Variants in SH3D19 observed in about 807,000 individuals in gnomAD.
SH3D19 encodes the protein SH3 domain containing 19.
SH3D19 carries 58 observed loss-of-function variants against 112.1 expected under a neutral mutation model. The ratio of observed to expected loss-of-function variants is 0.52; its 90% confidence interval spans 0.42 to 0.64. The LOEUF is 0.64. Among genes scored for constraint, SH3D19 ranks in the 30% least tolerant of loss-of-function variants. The pLI, the probability that SH3D19 is intolerant of heterozygous loss-of-function variation, is 0.00. For synonymous variants in SH3D19, 391 were observed against 448.5 expected (o/e 0.87, Z 1.62); for missense variants, 1,090 against 1,263.4 (o/e 0.86, Z 2.08).
chr4:151,290,580 T>C (rs1775223272), intron 1 of SH3D19, among the ~76,000 whole-genome samples: 1 of 152,208 alleles, frequency 6.6e-6, no homozygotes, highest in African/African-American at 2.4e-5. Flanking sequence ...GAGGTTTCTT[T>C]TTAGGGTGAT....
chr4:151,238,319 T>A (rs1383313822), intron 1 of SH3D19, among the ~76,000 whole-genome samples: 1 of 152,234 alleles, frequency 6.6e-6, no homozygotes, highest in Non-Finnish European at 1.5e-5. Context: ...TATTTCAGGA[T>A]AGTATGGAAT....
At chr4:151,172,234 A>G (rs974914820) in intron 7 of SH3D19, among the ~76,000 whole-genome samples, 3 of 152,182 alleles carry the variant, frequency 2.0e-5, no homozygotes, top group African/African-American at 7.2e-5. Flanking sequence ...TACCACCAAA[A>G]AGTCACAAAG....
chr4:151,174,494 C>T (rs1759593207), intron 7 of SH3D19, among the ~76,000 whole-genome samples, 176 bp downstream of exon 7: 1 of 152,194 alleles, frequency 6.6e-6, no homozygotes, highest in Non-Finnish European at 1.5e-5. Context: ...CCACATAGCT[C>T]CCATGTTTCT....
chr4:151,127,820 T>C, intron 18 of SH3D19, 105 bp from the exon 19 acceptor site: 1 of 578,224 alleles, frequency 1.7e-6, no homozygotes, highest in Non-Finnish European at 2.9e-6. Context: ...ACACAGTATC[T>C]TCTCTTCAGA....
intron 2 of SH3D19, among the ~76,000 whole-genome samples, chr4:151,219,697 G>A (rs747227365): frequency 2.1e-4 from 32 of 152,116 alleles, no homozygotes; most frequent in African/African-American, 5.6e-4. Context: ...TTCCGTATGC[G>A]TAGTTTTTCT....
chr4:151,249,424 C>T (rs1024489625), intron 1 of SH3D19, among the ~76,000 whole-genome samples: 4 of 152,054 alleles, frequency 2.6e-5, no homozygotes, highest in Non-Finnish European at 5.9e-5. Flanking sequence ...AGAATTAGCA[C>T]GAGCAAATGA....
At chr4:151,224,209 T>G (rs1229218027) in intron 2 of SH3D19, among the ~76,000 whole-genome samples, 2 of 151,962 alleles carry the variant, frequency 1.3e-5, no homozygotes, top group East Asian at 3.9e-4. Flanking sequence ...CTCGGGAGGC[T>G]GAGGCAGGAG....
intron 2 of SH3D19, among the ~76,000 whole-genome samples, chr4:151,195,923 TAAAAAAAAAAA>T (rs564812901): frequency 1.6e-5 from 2 of 127,788 alleles, no homozygotes; most frequent in African/African-American, 5.7e-5. Flanking sequence ...GAGAAGTTCT[TAAAAAAAAAAA>T]AAAAAGAAAA....
intron 19 of SH3D19, among the ~76,000 whole-genome samples, chr4:151,122,511 TCACA>T (rs3064664): frequency 7.1e-4 from 105 of 148,520 alleles, no homozygotes; most frequent in South Asian, 1.7e-3. Context: ...ATACCAGTTA[TCACA>T]CACACACACA....
At chr4:151,144,575 C>T (rs577324717) in intron 11 of SH3D19, among the ~76,000 whole-genome samples, 11 of 152,206 alleles carry the variant, frequency 7.2e-5, no homozygotes, top group East Asian at 1.9e-4. Context: ...CAAGATCCGC[C>T]AAGTCCCCTG....
rs138098614 is a variant in SH3D19, at chr4:151,283,822, T to C, written c.112+41419A>G. 2.0e-4 allele frequency among the ~76,000 whole-genome samples: 31 copies of C among 152,288 alleles called. No homozygotes were observed. In the East Asian group the frequency reaches 5.2e-3, roughly 26 times the overall value. ...CCTGTATATTTTCATAAGTATATTA[T>C]GAGGTTGAAGCAGAATTGCCAACTT... On this transcript the variant is annotated intron_variant, in intron 1 of 19. Transcript: ENST00000604030.
At chr4:151,229,456 C>A (rs561950165) in intron 1 of SH3D19, among the ~76,000 whole-genome samples, 4 of 152,114 alleles carry the variant, frequency 2.6e-5, no homozygotes, top group Non-Finnish European at 5.9e-5. Flanking sequence ...GTGAGGGTAA[C>A]CATGGCTGGG....
chr4:151,187,369 C>A (rs1761962196), intron 3 of SH3D19, 54 bp downstream of exon 3: 2 of 1,043,616 alleles, frequency 1.9e-6, no homozygotes, highest in Non-Finnish European at 2.5e-6. Context: ...AAATCTAAAT[C>A]ATCACTTAAA....
intron 1 of SH3D19, among the ~76,000 whole-genome samples, chr4:151,320,838 A>C (rs953072998): frequency 1.3e-5 from 2 of 152,160 alleles, no homozygotes; most frequent in Non-Finnish European, 2.9e-5. Flanking sequence ...TCAGGAGTTC[A>C]AGACCAGCCT....
chr4:151,232,627 AT>A (rs1179832831), intron 1 of SH3D19, among the ~76,000 whole-genome samples: 2 of 152,198 alleles, frequency 1.3e-5, no homozygotes, highest in Non-Finnish European at 2.9e-5. Context: ...TGGAGTTTTT[AT>A]GAGGATAAAT....
At chr4:151,248,489 C>A (rs1481358338) in intron 1 of SH3D19, among the ~76,000 whole-genome samples, 1 of 152,136 alleles carries the variant, frequency 6.6e-6, no homozygotes, top group African/African-American at 2.4e-5. Context: ...CTTCAAAGTT[C>A]TCTCCATAAC....
At chr4:151,134,879 G>A (rs901111121) in intron 15 of SH3D19, among the ~76,000 whole-genome samples, 195 bp downstream of exon 15, 1 of 152,162 alleles carries the variant, frequency 6.6e-6, no homozygotes, top group Non-Finnish European at 1.5e-5. Flanking sequence ...ATAGAGATGG[G>A]TTCTTGCTAT....
chr4:151,215,149 T>C (rs908879297), intron 2 of SH3D19, among the ~76,000 whole-genome samples: 7 of 152,342 alleles, frequency 4.6e-5, no homozygotes. Context: ...CTCAAACTCC[T>C]GGCCTCAAGC....
chr4:151,279,296 C>CA (rs1424514067), intron 1 of SH3D19: 5 of 192,072 alleles, frequency 2.6e-5, no homozygotes, highest in African/African-American at 1.2e-4. Flanking sequence ...GCAGTTCTCC[C>CA]ACCTCATCCT....
Sources: gnomAD v4.1 joint callset for allele counts (sites outside exome capture counted in the v4.1 genomes callset) on GRCh38, gnomAD v4.1.1 for gene constraint, MANE v1.5 for transcripts, NCBI Gene and HGNC (gene_info 2026-07-23, HGNC 2026-07-21) for gene names.